SLC13A3: variants seen among roughly 807,000 people sequenced by gnomAD.
The protein encoded by SLC13A3 is solute carrier family 13 member 3.
A neutral mutation model predicts 59.0 loss-of-function variants in SLC13A3; 40 were observed. The ratio of observed to expected loss-of-function variants is 0.68; its 90% CI spans 0.53 to 0.88. The LOEUF (loss-of-function observed/expected upper bound fraction) is 0.88. Ranked by LOEUF, SLC13A3 falls within the 40% of genes least tolerant of loss-of-function variation. SLC13A3 has a pLI of 0.00. For missense variants in SLC13A3, 699 were observed against 783.2 expected (o/e 0.89, Z 1.28); for synonymous variants, 317 against 330.3 (o/e 0.96, Z 0.44).
At position 46,596,155 on chromosome 20, in the gene SLC13A3, A is replaced by G; in HGVS notation, c.794+2T>C. 1 of 1,612,222 alleles carries G rather than the reference A, an allele frequency of 6.2e-7. No homozygotes were observed. Among genetic ancestry groups the G allele is most frequent in the Non-Finnish European group, 8.5e-7 (1 of 1,179,392 alleles). ...CCCGCCGGTGGGGACTCTCGCTTTC[A>G]CCTCTTGAGCTGGCCAAGCAGGATG... On this transcript the variant is annotated splice_donor_variant, in intron 5 of 12. Transcript: ENST00000279027. LOFTEE classifies it high-confidence loss of function.
Position 46,563,567 on chromosome 20 carries a change from GT to G in SLC13A3, c.1495-17del. ...GGCGGATGGCCTGGGCCAGGAAAAGGTGGGAGAGACCCGGAGAGAGACCAAC... is the reference window on the plus strand; with the variant it reads ...GGCGGATGGCCTGGGCCAGGAAAAGGGGGAGAGACCCGGAGAGAGACCAAC... On this transcript the variant is annotated splice_polypyrimidine_tract_variant and intron_variant, in intron 11 of 12. Coordinates refer to ENST00000279027, the MANE Select transcript of SLC13A3 (RefSeq NM_022829.6). 2 of 1,612,876 alleles carry G rather than the reference GT, an allele frequency of 1.2e-6. No individual in the cohort carries two copies. The highest frequency in any genetic ancestry group is 3.3e-5 in the Admixed American group (2 of 59,918).
At chr20:46,668,522 G>A (rs1297853672) in intron 1 of SLC13A3, among the ~76,000 whole-genome samples, 1 of 152,174 alleles carries the variant, frequency 6.6e-6, no homozygotes, top group Non-Finnish European at 1.5e-5. Context: ...TTTGAAGTTA[G>A]CTGAGTTCAT....
rs116156773 is a variant in SLC13A3 at position 46,681,324 on chromosome 20, G to A, written c.-31+3072C>T. 4.3e-3 allele frequency among the ~76,000 whole-genome samples: 652 copies of A among 152,262 alleles called. 7 individuals are homozygous for A. The highest frequency in any genetic ancestry group is 0.015 in the African/African-American group (621 of 41,542). Reference sequence around the variant, plus strand: ...CACTTAGGTGCTCAGCTAAGGTGGCGTTGAGTGAATAAATGAACACGTTCA... The same window carrying A: ...CACTTAGGTGCTCAGCTAAGGTGGCATTGAGTGAATAAATGAACACGTTCA... On this transcript the variant is annotated intron_variant, in intron 1 of 6. Transcript: ENST00000372121.
intron 1 of SLC13A3, among the ~76,000 whole-genome samples, chr20:46,615,494 C>T (rs1243671219): frequency 7.2e-5 from 11 of 152,150 alleles, no homozygotes. Context: ...CAGACACCGG[C>T]CACCAGGGCC....
Position 46,596,192 on chromosome 20 carries a change from T to TG in SLC13A3, c.758dup (p.Ala254SerfsTer3). 6.2e-7 allele frequency: 1 copy of TG among 1,614,032 alleles called. No individual in the cohort carries two copies. Among genetic ancestry groups the TG allele is most frequent in the Non-Finnish European group, 8.5e-7 (1 of 1,180,026 alleles). Reference sequence around the variant, plus strand: ...GGCCAAGCAGGATGAGGTTAGGGGCTGTGCCCGTGAGTGTGGCTGTGCCCC... The same window carrying TG: ...GGCCAAGCAGGATGAGGTTAGGGGCTGGTGCCCGTGAGTGTGGCTGTGCCCC... On this transcript the variant is annotated frameshift_variant, in exon 5 of 13. Transcript: ENST00000279027. LOFTEE classifies it high-confidence loss of function.
intron 1 of SLC13A3, among the ~76,000 whole-genome samples, chr20:46,622,295 G>A (rs193156122): frequency 6.6e-6 from 1 of 152,338 alleles, no homozygotes; most frequent in African/African-American, 2.4e-5. Context: ...GGATCAAGCA[G>A]GTGGATGCCG....
At chr20:46,590,828 G>C (rs2062245962) in intron 6 of SLC13A3, among the ~76,000 whole-genome samples, 2 of 152,036 alleles carry the variant, frequency 1.3e-5, no homozygotes, top group African/African-American at 4.8e-5. Context: ...TGCTTCCTTT[G>C]AGCTACAGCT....
At chr20:46,614,744 T>C (rs940817452) in intron 1 of SLC13A3, among the ~76,000 whole-genome samples, 2 of 152,198 alleles carry the variant, frequency 1.3e-5, no homozygotes, top group Non-Finnish European at 2.9e-5. Context: ...AGCAAGGTAA[T>C]GGCTGTGCAG....
chr20:46,658,292 A>G (rs2063006972), intron 1 of SLC13A3, among the ~76,000 whole-genome samples: 1 of 152,224 alleles, frequency 6.6e-6, no homozygotes, highest in Non-Finnish European at 1.5e-5. Flanking sequence ...ATGAAGAGTT[A>G]AAAGAGGCAA....
intron 9 of SLC13A3, among the ~76,000 whole-genome samples, chr20:46,576,969 T>TATGCAGTCCACAGGTGC (rs1227699540): frequency 6.6e-6 from 1 of 150,588 alleles, no homozygotes; most frequent in African/African-American, 2.5e-5. Context: ...TCCACAGGTG[T>TATGCAGTCCACAGGTGC]ATGCAGTCCA....
At chr20:46,659,122 T>C (rs769523290) in intron 1 of SLC13A3, among the ~76,000 whole-genome samples, 2 of 152,186 alleles carry the variant, frequency 1.3e-5, no homozygotes, top group Non-Finnish European at 2.9e-5. Context: ...TCTCTGATAT[T>C]TTAATTGGAA....
upstream of SLC13A3, among the ~76,000 whole-genome samples, chr20:46,655,426 T>A (rs973667228): frequency 2.0e-5 from 3 of 149,180 alleles, no homozygotes; most frequent in African/African-American, 4.9e-5. Flanking sequence ...ACAGGAAGCA[T>A]GGTGCTGGCA....
intron 9 of SLC13A3, among the ~76,000 whole-genome samples, chr20:46,578,271 G>A (rs144811904): frequency 6.6e-6 from 1 of 152,192 alleles, no homozygotes; most frequent in Non-Finnish European, 1.5e-5. Flanking sequence ...TTGAGTACCT[G>A]CCATGTGTCA....
chr20:46,597,726 C>T (rs1005821103), intron 4 of SLC13A3, among the ~76,000 whole-genome samples: 7 of 152,148 alleles, frequency 4.6e-5, no homozygotes, highest in Non-Finnish European at 7.3e-5. Flanking sequence ...CATAAGCCAC[C>T]GCGGTAAAAA....
upstream of SLC13A3, among the ~76,000 whole-genome samples, chr20:46,652,212 A>C (rs188593995): frequency 3.9e-5 from 6 of 152,288 alleles, no homozygotes; most frequent in Admixed American, 3.9e-4. Flanking sequence ...TATACAACAA[A>C]TCTGCACATG....
At chr20:46,659,716 C>T (rs536948032) in intron 1 of SLC13A3, among the ~76,000 whole-genome samples, 1 of 148,410 alleles carries the variant, frequency 6.7e-6, no homozygotes, top group South Asian at 2.1e-4. Context: ...ACCCTATCCC[C>T]CCCCCCCAAA....
Position 46,558,531 on chromosome 20 carries a change from C to G in SLC13A3, c.*1491G>C, listed in dbSNP as rs911914139. On this transcript the variant is annotated 3_prime_UTR_variant, in exon 13 of 13. Coordinates refer to ENST00000279027, the MANE Select transcript of SLC13A3 (RefSeq NM_022829.6). Reference sequence around the variant, plus strand: ...AGTTTCTCTTTGAATGAACCTCTTGCTTCCAGTCCCATACAACGCATCTCC... The same window carrying G: ...AGTTTCTCTTTGAATGAACCTCTTGGTTCCAGTCCCATACAACGCATCTCC... 4 of 152,228 alleles carry G rather than the reference C, an allele frequency of 2.6e-5. No individual in the cohort carries two copies. The highest frequency in any genetic ancestry group is 4.4e-5 in the Non-Finnish European group (3 of 68,050). The allele number at this position is 152,228 out of a possible 1,614,324, so 9.4% of individuals were successfully genotyped here. A position where few individuals can be genotyped will look rare whatever the true frequency, so the allele number is the denominator to read the frequency against.
intron 1 of SLC13A3, among the ~76,000 whole-genome samples, chr20:46,667,368 AG>A (rs1235452025): frequency 5.9e-5 from 9 of 152,224 alleles, no homozygotes; most frequent in South Asian, 2.1e-4. Context: ...AGCTGGGACC[AG>A]GGCATATTTT....
chr20:46,559,146 T>C lies in SLC13A3; in HGVS notation c.*876A>G, dbSNP rs2146065730. 6.6e-6 allele frequency: 1 copy of C among 152,386 alleles called. No homozygotes were observed. Among genetic ancestry groups the C allele is most frequent in the African/African-American group, 2.4e-5 (1 of 41,572 alleles). 9.4% of individuals were successfully genotyped at this position (152,386 alleles called of 1,614,324 possible). On this transcript the variant is annotated 3_prime_UTR_variant, in exon 13 of 13. Coordinates refer to ENST00000279027, the MANE Select transcript of SLC13A3 (RefSeq NM_022829.6). ...GGGGCATGGAGAGATCAAGGCCACC[T>C]GCTGGGACAAGCAGCAACTGACCGC... is the stretch of plus-strand genomic sequence containing the variant.
Sources: gnomAD v4.1 joint callset for allele counts (sites outside exome capture counted in the v4.1 genomes callset) on GRCh38, gnomAD v4.1.1 for gene constraint, MANE v1.5 for transcripts, NCBI Gene and HGNC (gene_info 2026-07-23, HGNC 2026-07-21) for gene names.